The following RPS6KA5 variants were observed in gnomAD, a reference collection of about 807,000 sequenced individuals.
RPS6KA5 encodes the protein ribosomal protein S6 kinase A5.
A neutral mutation model predicts 85.5 loss-of-function variants in RPS6KA5; 27 were observed. That is an observed-to-expected ratio of 0.32 (90% CI 0.23 to 0.44). The LOEUF is 0.44. RPS6KA5 is among the 20% of genes least tolerant of loss of function. The pLI is 1.00. For synonymous variants in RPS6KA5, 334 were observed against 348.2 expected (o/e 0.96, Z 0.46); for missense variants, 811 against 980.9 (o/e 0.83, Z 2.31).
intron 1 of RPS6KA5, among the ~76,000 whole-genome samples, chr14:91,010,467 A>G (rs772088450): frequency 7.2e-5 from 11 of 152,204 alleles, no homozygotes; most frequent in Non-Finnish European, 1.6e-4. Context: ...CAAATTGTTC[A>G]ATAACATTGC....
intron 15 of RPS6KA5, 78 bp downstream of exon 15, chr14:90,875,123 G>A (rs1324249922): frequency 4.5e-6 from 6 of 1,325,108 alleles, no homozygotes; most frequent in Non-Finnish European, 6.3e-6. Context: ...ATTAACATAT[G>A]AATGTATGTG....
intron 3 of RPS6KA5, among the ~76,000 whole-genome samples, chr14:90,963,650 A>G (rs1265193201): frequency 6.6e-6 from 1 of 152,140 alleles, no homozygotes; most frequent in African/African-American, 2.4e-5. Flanking sequence ...ACCACCACTC[A>G]TGGATCACTA....
chr14:90,965,210 C>T (rs1295670664), intron 3 of RPS6KA5, among the ~76,000 whole-genome samples: 1 of 151,944 alleles, frequency 6.6e-6, no homozygotes, highest in Admixed American at 6.6e-5. Flanking sequence ...CAGGGTGAAA[C>T]CCAGTCTCTA....
chr14:90,970,542 T>A (rs1457977209), intron 3 of RPS6KA5, among the ~76,000 whole-genome samples: 2 of 152,224 alleles, frequency 1.3e-5, no homozygotes, highest in Non-Finnish European at 2.9e-5. Context: ...TTATTTAACA[T>A]CTTGTGAATT....
chr14:91,058,347 A>G (rs934018037), intron 1 of RPS6KA5, among the ~76,000 whole-genome samples: 10 of 152,196 alleles, frequency 6.6e-5, no homozygotes, highest in African/African-American at 2.2e-4. Flanking sequence ...GTTAGAAGAG[A>G]GGGGGAAATA....
chr14:90,947,623 T>G (rs2037941204), intron 3 of RPS6KA5, 73 bp from the exon 4 acceptor site: 1 of 876,762 alleles, frequency 1.1e-6, no homozygotes, highest in South Asian at 1.5e-5. Flanking sequence ...TTTTAATCAC[T>G]TTGGATTCAC....
In RPS6KA5 at chr14:90,867,028, TAGC is replaced by T. The variant is rs1441612598; in HGVS notation, c.*5043_*5045del. 6.6e-6 allele frequency: 1 copy of T among 152,164 alleles called. No homozygotes were observed. The highest frequency in any genetic ancestry group is 1.9e-4 in the East Asian group (1 of 5,206). 9.4% of individuals were successfully genotyped at this position (152,164 alleles called of 1,614,324 possible). ...TGTCACATACATATCCATTCCAACA[TAGC>T]AGTGCACATTTCACATGACCAGCCT... On this transcript the variant is annotated 3_prime_UTR_variant, in exon 17 of 17. Coordinates refer to ENST00000614987, the MANE Select transcript of RPS6KA5 (RefSeq NM_004755.4).
chr14:90,947,343 C>T, intron 4 of RPS6KA5, 92 bp downstream of exon 4: 1 of 712,964 alleles, frequency 1.4e-6, no homozygotes, highest in Admixed American at 2.4e-5. Context: ...TCCACTAAGA[C>T]AATAACATGT....
chr14:91,016,659 A>G (rs1340795614), intron 1 of RPS6KA5, among the ~76,000 whole-genome samples: 2 of 152,156 alleles, frequency 1.3e-5, no homozygotes, highest in Non-Finnish European at 2.9e-5. Context: ...GATGCACAGC[A>G]GCATTCCACC....
At chr14:90,888,894 A>G (rs1055128525) in intron 14 of RPS6KA5, among the ~76,000 whole-genome samples, 1 of 152,226 alleles carries the variant, frequency 6.6e-6, no homozygotes, top group Admixed American at 6.5e-5. Flanking sequence ...ACACCAGAAA[A>G]AACATTTCCA....
chr14:90,995,074 G>A (rs982310633), intron 2 of RPS6KA5, among the ~76,000 whole-genome samples: 3 of 152,048 alleles, frequency 2.0e-5, no homozygotes, highest in South Asian at 2.1e-4. Flanking sequence ...AATATAAGAC[G>A]GAGTCTTGCT....
chr14:90,885,741 C>CAAAAAA (rs11312699), intron 14 of RPS6KA5, among the ~76,000 whole-genome samples: 972 of 28,016 alleles, frequency 0.035, 10 homozygotes, highest in Middle Eastern at 0.045. Context: ...GACTCCATCT[C>CAAAAAA]AAAAAAAAAA....
chr14:90,902,919 C>T lies in RPS6KA5; in HGVS notation c.1008G>A (p.Lys336=). 6.2e-7 allele frequency: 1 copy of T among 1,613,932 alleles called. No individual in the cohort carries two copies. Among genetic ancestry groups the T allele is most frequent in the Non-Finnish European group, 8.5e-7 (1 of 1,179,942 alleles). The change falls in exon 9 of 17, where the codon AAG becomes AAA. Residue 336 remains lysine, a synonymous_variant. Coordinates refer to ENST00000614987, the MANE Select transcript of RPS6KA5 (RefSeq NM_004755.4). The part of the protein sequence containing the change: ...LAAKKVPAPF[K]PVIRDELDVS... ...CATCTAATTCATCTCGAATGACTGGCTTAAATGGTGCAGGCACTTTTTTGG... is the reference window on the plus strand; with the variant it reads ...CATCTAATTCATCTCGAATGACTGGTTTAAATGGTGCAGGCACTTTTTTGG...
chr14:90,946,484 C>T (rs989358533), intron 4 of RPS6KA5, among the ~76,000 whole-genome samples: 2 of 152,146 alleles, frequency 1.3e-5, no homozygotes, highest in African/African-American at 2.4e-5. Context: ...TTTATTCTCA[C>T]GGCCTCACCC....
At chr14:91,044,846 G>A (rs546323212) in intron 1 of RPS6KA5, among the ~76,000 whole-genome samples, 1 of 150,694 alleles carries the variant, frequency 6.6e-6, no homozygotes, top group East Asian at 1.9e-4. Context: ...ACTCCAGCCT[G>A]GGCAACAGAG....
intron 9 of RPS6KA5, 29 bp downstream of exon 9, chr14:90,902,779 A>G (rs750564821): frequency 1.9e-6 from 3 of 1,595,436 alleles, no homozygotes; most frequent in South Asian, 2.3e-5. Context: ...CATATGGCCA[A>G]TGTGCATGTG....
intron 3 of RPS6KA5, among the ~76,000 whole-genome samples, chr14:90,976,171 A>T (rs1595380036): frequency 6.7e-6 from 1 of 148,740 alleles, no homozygotes; most frequent in Non-Finnish European, 1.5e-5. Flanking sequence ...AAATAATTTT[A>T]AAAAGCATAT....
At chr14:91,037,935 C>T (rs535031014) in intron 1 of RPS6KA5, among the ~76,000 whole-genome samples, 3 of 152,298 alleles carry the variant, frequency 2.0e-5, no homozygotes, top group Non-Finnish European at 2.9e-5. Context: ...TGAGTATTTA[C>T]TCCCAGAATA....
At position 90,852,447 on chromosome 14, in the gene RPS6KA5, G is replaced by T. The variant is rs1255448911; in HGVS notation, c.*19627C>A. On this transcript the variant is annotated 3_prime_UTR_variant, in exon 17 of 17. Coordinates refer to ENST00000614987, the MANE Select transcript of RPS6KA5 (RefSeq NM_004755.4). Reference sequence around the variant, plus strand: ...TGTCAATGTCTAAATACCTTAAAAAGAAGCATATATGTAAGTATTAGTCCA... The same window carrying T: ...TGTCAATGTCTAAATACCTTAAAAATAAGCATATATGTAAGTATTAGTCCA... 1.3e-5 allele frequency: 2 copies of T among 152,026 alleles called. No homozygotes were observed. The highest frequency in any genetic ancestry group is 2.9e-5 in the Non-Finnish European group (2 of 67,996). 9.4% of individuals were successfully genotyped at this position (152,026 alleles called of 1,614,324 possible).
Sources: allele counts gnomAD v4.1 joint callset (sites outside exome capture counted in the v4.1 genomes callset), GRCh38; gene constraint gnomAD v4.1.1; transcripts MANE v1.5; gene names NCBI Gene and HGNC (gene_info 2026-07-23, HGNC 2026-07-21).